Variants in USP1 observed in about 807,000 individuals in gnomAD.
The protein encoded by USP1 is ubiquitin carboxyl-terminal hydrolase 1.
USP1 carries 18 observed loss-of-function variants against 72.2 expected under a neutral mutation model. The observed-to-expected ratio is 0.25, with a 90% CI of 0.17 to 0.37. The LOEUF (loss-of-function observed/expected upper bound fraction) is 0.37, where lower values mean the gene tolerates loss of function less well. Among genes scored for constraint, USP1 ranks in the 10% least tolerant of loss-of-function variants. USP1 has a pLI of 1.00. For synonymous variants in USP1, 354 were observed against 303.7 expected (o/e 1.17, Z -1.72); for missense variants, 759 against 884.9 (o/e 0.86, Z 1.81).
intron 4 of USP1, among the ~76,000 whole-genome samples, chr1:62,442,568 C>A (rs1297240267): frequency 2.0e-5 from 3 of 151,918 alleles, no homozygotes; most frequent in Admixed American, 6.6e-5. Context: ...ATATGTTATA[C>A]CCATGTACAA....
intron 4 of USP1, 99 bp downstream of exon 4, chr1:62,442,398 A>G: frequency 1.2e-6 from 1 of 829,540 alleles, no homozygotes; most frequent in Non-Finnish European, 1.8e-6. Flanking sequence ...GGTGGATGAC[A>G]AAGATTATTT....
Position 62,437,344 on chromosome 1 carries a change from A to G in USP1, c.-126A>G. On this transcript the variant is annotated 5_prime_UTR_variant, in exon 1 of 9. Transcript: ENST00000339950. The stretch of plus-strand genomic sequence containing the variant: ...GGACTCACCTGTCGCACCCACACTC[A>G]TTCGGGTTGGACTTGCCGGCGTCAC... The G allele has an allele frequency of 2.5e-6, 1 of 394,418 alleles. No homozygotes were observed. The highest frequency in any genetic ancestry group is 4.5e-6 in the Non-Finnish European group (1 of 223,868). The allele number at this position is 394,418 out of a possible 1,614,324, so 24.4% of individuals were successfully genotyped here.
Position 62,445,127 on chromosome 1 carries a change from A to G in USP1, c.947A>G (p.Lys316Arg). ...AGTGATACATTAGAGAGTCCTCCTA[A>G]AATAATTCCCAAGTATATTTCTGAA... ...ATSDTLESPPKIIPKYISENE... is the reference protein window; with the variant it reads ...ATSDTLESPPRIIPKYISENE... The change falls in exon 6 of 9, where the codon AAA becomes AGA. Residue 316 changes from lysine to arginine, a missense_variant. By Grantham distance (26) the Lys-to-Arg change is conservative (BLOSUM62 2). Coordinates refer to ENST00000339950, the MANE Select transcript of USP1 (RefSeq NM_003368.5). 6.2e-7 allele frequency: 1 copy of G among 1,613,566 alleles called. No homozygotes were observed. Among genetic ancestry groups the G allele is most frequent in the East Asian group, 2.2e-5 (1 of 44,800 alleles).
At chr1:62,437,675 CG>C (rs762795089) in intron 1 of USP1, among the ~76,000 whole-genome samples, 11 of 152,222 alleles carry the variant, frequency 7.2e-5, no homozygotes, top group Non-Finnish European at 1.2e-4. Context: ...CAGCCTCCCC[CG>C]ACCGGGCAGC....
intron 1 of USP1, 22 bp from the exon 2 acceptor site, chr1:62,439,777 A>C (rs550973893): frequency 8.5e-7 from 1 of 1,179,066 alleles, no homozygotes; most frequent in African/African-American, 1.6e-5. Flanking sequence ...AAAACTAATG[A>C]AACTTTCTCT....
chr1:62,439,217 C>T (rs1008155080), intron 1 of USP1, among the ~76,000 whole-genome samples: 2 of 151,954 alleles, frequency 1.3e-5, no homozygotes, highest in African/African-American at 4.8e-5. Context: ...CTAAGTCTTG[C>T]TCTATGGCCC....
chr1:62,443,599 TTTAG>T (rs1161019490), intron 5 of USP1, among the ~76,000 whole-genome samples: 1 of 152,218 alleles, frequency 6.6e-6, no homozygotes, highest in Non-Finnish European at 1.5e-5. Flanking sequence ...TAGTAATGTG[TTTAG>T]TTATAGAGTA....
intron 3 of USP1, 113 bp downstream of exon 3, chr1:62,441,721 A>G (rs959633117): frequency 1.3e-4 from 156 of 1,245,332 alleles, no homozygotes; most frequent in Non-Finnish European, 2.4e-5. Context: ...TTTGCCTTTG[A>G]TTGTTAATAA....
chr1:62,447,190 G>A, intron 6 of USP1, 151 bp from the exon 7 acceptor site: 2 of 703,122 alleles, frequency 2.8e-6, no homozygotes, highest in Non-Finnish European at 4.4e-6. Flanking sequence ...CATTAATAGG[G>A]TACCTCTAAT....
intron 8 of USP1, 139 bp downstream of exon 8, chr1:62,448,805 C>A: frequency 1.2e-6 from 1 of 846,764 alleles, no homozygotes; most frequent in Non-Finnish European, 1.8e-6. Context: ...AAGTTTTGTT[C>A]TTATTAACAG....
chr1:62,441,310 T>A (rs1645132671), intron 2 of USP1, among the ~76,000 whole-genome samples, 178 bp from the exon 3 acceptor site: 1 of 152,244 alleles, frequency 6.6e-6, no homozygotes, highest in Non-Finnish European at 1.5e-5. Context: ...CTTTTAAAAC[T>A]TTTATTCTGG....
Position 62,451,661 on chromosome 1 carries a change from C to T in USP1, c.*680C>T, listed in dbSNP as rs1021427590. ...TCTGCACGATCTGTATATAGTACAT[C>T]AAACTTAGAGGTGTGACCTTAAATT... On this transcript the variant is annotated 3_prime_UTR_variant, in exon 9 of 9. Coordinates refer to ENST00000339950, the MANE Select transcript of USP1 (RefSeq NM_003368.5). The T allele has an allele frequency of 3.9e-5, 6 of 152,628 alleles. No homozygotes were observed. Among genetic ancestry groups the T allele is most frequent in the Admixed American group, 3.3e-4 (5 of 15,276 alleles). 9.5% of individuals were successfully genotyped at this position (152,628 alleles called of 1,614,324 possible). A position where few individuals can be genotyped will look rare whatever the true frequency, so the allele number is the denominator to read the frequency against.
intron 8 of USP1, among the ~76,000 whole-genome samples, chr1:62,449,049 A>C (rs1184734818): frequency 6.6e-6 from 1 of 151,860 alleles, no homozygotes; most frequent in East Asian, 1.9e-4. Context: ...TGCCCAGCTA[A>C]TTTTTTGTAT....
In USP1 at chr1:62,450,541, AATG is replaced by A. The variant is rs1557559351; in HGVS notation, c.1923_1925del (p.Asp641del). 3.7e-6 allele frequency: 6 copies of A among 1,613,974 alleles called. No individual in the cohort carries two copies. Among genetic ancestry groups the A allele is most frequent in the South Asian group, 1.1e-5 (1 of 91,074 alleles). ...AGCAAGGGGTGTGGTTGAGAATTAT[AATG>A]ATGAAGAAGTGTCAATTAGAGTTGG... On this transcript the variant is annotated inframe_deletion, in exon 9 of 9. Coordinates refer to ENST00000339950, the MANE Select transcript of USP1 (RefSeq NM_003368.5).
intron 4 of USP1, 67 bp from the exon 5 acceptor site, chr1:62,443,086 GAGACAA>G (rs1335420142): frequency 3.4e-6 from 5 of 1,480,154 alleles, no homozygotes; most frequent in Admixed American, 4.3e-5. Flanking sequence ...ATTCTTAAGT[GAGACAA>G]AGACAAAGGG....
Position 62,440,055 on chromosome 1 carries a change from C to G in USP1, c.170+18C>G. 1 of 1,417,438 alleles carries G rather than the reference C, an allele frequency of 7.1e-7. No individual in the cohort carries two copies. Among genetic ancestry groups the G allele is most frequent in the Non-Finnish European group, 9.3e-7 (1 of 1,080,722 alleles). 87.8% of individuals were successfully genotyped at this position (1,417,438 alleles called of 1,614,324 possible). On this transcript the variant is annotated intron_variant, in intron 2 of 8. Coordinates refer to ENST00000339950, the MANE Select transcript of USP1 (RefSeq NM_003368.5). ...TCTGAAATGTATGTATCTTACATTT[C>G]TGTACTTTAAAAATTCTACAGTAAA...
At chr1:62,446,946 C>G (rs1645179378) in intron 6 of USP1, among the ~76,000 whole-genome samples, 1 of 152,094 alleles carries the variant, frequency 6.6e-6, no homozygotes, top group Admixed American at 6.5e-5. Flanking sequence ...TCCCGAGTAG[C>G]TGTGATTACA....
At chr1:62,450,062 TTTG>T (rs1207442674) in intron 8 of USP1, among the ~76,000 whole-genome samples, 181 bp from the exon 9 acceptor site, 1 of 152,238 alleles carries the variant, frequency 6.6e-6, no homozygotes. Flanking sequence ...TATTTATTTT[TTTG>T]TTTCTGCATA....
intron 5 of USP1, 65 bp from the exon 6 acceptor site, chr1:62,444,673 T>A (rs1645157446): frequency 1.1e-5 from 14 of 1,217,642 alleles, no homozygotes; most frequent in Non-Finnish European, 1.5e-5. Flanking sequence ...AATTAATTTC[T>A]ATATAGGCTT....
Sources: gnomAD v4.1 joint callset for allele counts (sites outside exome capture counted in the v4.1 genomes callset) on GRCh38, gnomAD v4.1.1 for gene constraint, MANE v1.5 for transcripts, NCBI Gene and HGNC (gene_info 2026-07-23, HGNC 2026-07-21) for gene names.